DLC1: variants seen among roughly 807,000 people sequenced by gnomAD.
DLC1 encodes rho GTPase-activating protein 7.
DLC1 carries 54 observed loss-of-function variants against 140.3 expected under a neutral mutation model. The observed-to-expected ratio is 0.38, with a 90% confidence interval of 0.31 to 0.48. DLC1 has a LOEUF of 0.48. Among genes scored for constraint, DLC1 ranks in the 20% least tolerant of loss-of-function variants. The probability of loss-of-function intolerance (pLI) is 0.96; values close to 1 mark genes in which losing one functional copy is unlikely to be tolerated. For synonymous variants in DLC1, 986 were observed against 728.1 expected (o/e 1.35, Z -5.70); for missense variants, 2,536 against 1,907.0 (o/e 1.33, Z -6.14).
intron 4 of DLC1, among the ~76,000 whole-genome samples, chr8:13,388,682 A>C (rs1836625828): frequency 6.6e-6 from 1 of 152,012 alleles, no homozygotes; most frequent in Non-Finnish European, 1.5e-5. Context: ...TCTGATGTGA[A>C]TATATGTACA....
chr8:13,516,843 G>A (rs1802604782), upstream of DLC1, among the ~76,000 whole-genome samples: 1 of 152,070 alleles, frequency 6.6e-6, no homozygotes, highest in Non-Finnish European at 1.5e-5. Context: ...TACAAATAAA[G>A]TATTGAGAAG....
chr8:13,501,292 T>C (rs1419621920), intron 1 of DLC1, among the ~76,000 whole-genome samples: 1 of 152,138 alleles, frequency 6.6e-6, no homozygotes, highest in African/African-American at 2.4e-5. Flanking sequence ...TACCCAAATT[T>C]TTGCCTTGAA....
At chr8:13,404,647 C>G (rs1403176318) in intron 2 of DLC1, among the ~76,000 whole-genome samples, 2 of 151,938 alleles carry the variant, frequency 1.3e-5, no homozygotes, top group African/African-American at 4.8e-5. Context: ...ACCTGAGCAA[C>G]AAGGAATTTA....
At chr8:13,206,462 G>A (rs1289952406) in intron 5 of DLC1, among the ~76,000 whole-genome samples, 2 of 151,954 alleles carry the variant, frequency 1.3e-5, no homozygotes, top group Admixed American at 6.6e-5. Context: ...GAATATGAAC[G>A]ATTACCTTCC....
chr8:13,146,255 A>G (rs1223521201), intron 5 of DLC1, among the ~76,000 whole-genome samples: 1 of 146,068 alleles, frequency 6.8e-6, no homozygotes, highest in African/African-American at 2.5e-5. Flanking sequence ...AGCCTGGGCA[A>G]CAGAGCAAGA....
chr8:13,552,547 A>T (rs1421669348), intron 1 of DLC1, among the ~76,000 whole-genome samples: 3 of 151,394 alleles, frequency 2.0e-5, no homozygotes, highest in African/African-American at 7.2e-5. Context: ...ATGAGTGAAT[A>T]TATATTTTTC....
intron 4 of DLC1, among the ~76,000 whole-genome samples, chr8:13,331,951 G>T (rs925307906): frequency 1.3e-5 from 2 of 152,086 alleles, no homozygotes; most frequent in African/African-American, 4.8e-5. Context: ...ATGTGACCAG[G>T]GGACAATGTA....
chr8:13,097,102 A>G (rs914572810), intron 10 of DLC1, among the ~76,000 whole-genome samples: 47 of 152,286 alleles, frequency 3.1e-4, no homozygotes, highest in African/African-American at 9.9e-4. Flanking sequence ...AATTTGTACA[A>G]TGCATTTCAT....
chr8:13,132,395 G>A (rs906095417), intron 5 of DLC1, among the ~76,000 whole-genome samples: 3 of 151,828 alleles, frequency 2.0e-5, no homozygotes, highest in African/African-American at 7.3e-5. Context: ...GGTTGAAAAG[G>A]AAAACAAGTT....
chr8:13,547,773 T>G (rs1442628346), intron 1 of DLC1, among the ~76,000 whole-genome samples: 1 of 152,102 alleles, frequency 6.6e-6, no homozygotes, highest in Non-Finnish European at 1.5e-5. Context: ...CTGCCTACTC[T>G]TTCTAATCTC....
chr8:13,545,359 A>T (rs2117341273), intron 1 of DLC1, among the ~76,000 whole-genome samples: 1 of 151,540 alleles, frequency 6.6e-6, no homozygotes, highest in East Asian at 1.9e-4. Context: ...AGTAAAGAAG[A>T]GAACTTGGAA....
chr8:13,182,588 C>T (rs577443449), intron 5 of DLC1, among the ~76,000 whole-genome samples: 583 of 152,244 alleles, frequency 3.8e-3, no homozygotes, highest in African/African-American at 0.014. Context: ...ATCTTTTCCC[C>T]ATTTCTTGTT....
intron 4 of DLC1, among the ~76,000 whole-genome samples, chr8:13,384,599 A>G (rs954848570): frequency 3.7e-4 from 49 of 134,032 alleles, no homozygotes; most frequent in African/African-American, 1.3e-3. Flanking sequence ...ACATCCACAG[A>G]AGAAAAAATG....
intron 2 of DLC1, 59 bp downstream of exon 2, chr8:13,498,990 A>G (rs1801642761): frequency 6.6e-7 from 1 of 1,509,238 alleles, no homozygotes; most frequent in South Asian, 1.4e-5. Flanking sequence ...ATGATAACTG[A>G]TAAATCCAAG....
chr8:13,556,401 A>C (rs1804047023), intron 1 of DLC1, among the ~76,000 whole-genome samples: 1 of 152,088 alleles, frequency 6.6e-6, no homozygotes, highest in Non-Finnish European at 1.5e-5. Context: ...AAAAATTCTG[A>C]TTTAAAACTT....
chr8:13,124,923 C>T lies in DLC1; in HGVS notation c.1349-9266G>A, dbSNP rs759040591. On this transcript the variant is annotated intron_variant, in intron 5 of 17. Transcript: ENST00000276297. ...AGAGATCCCCAGTTTTGTAAATTTACGAAAGTTTTAATTACTTTTATTTTA... is the reference window on the plus strand; with the variant it reads ...AGAGATCCCCAGTTTTGTAAATTTATGAAAGTTTTAATTACTTTTATTTTA... 6.6e-5 allele frequency among the ~76,000 whole-genome samples: 10 copies of T among 152,094 alleles called. No homozygotes were observed. The South Asian group carries it at 1.0e-3, about 16-fold the overall frequency.
At chr8:13,191,334 C>G (rs1046293854) in intron 5 of DLC1, among the ~76,000 whole-genome samples, 1 of 152,156 alleles carries the variant, frequency 6.6e-6, no homozygotes, top group Non-Finnish European at 1.5e-5. Context: ...TGGTGAAACT[C>G]CGTCTCTACT....
chr8:13,347,351 G>A (rs999323555), intron 4 of DLC1, among the ~76,000 whole-genome samples: 1 of 152,118 alleles, frequency 6.6e-6, no homozygotes, highest in Non-Finnish European at 1.5e-5. Context: ...ATTTCTGAGG[G>A]CCACCTGACA....
chr8:13,384,089 G>A (rs79787801), intron 4 of DLC1, among the ~76,000 whole-genome samples: 6,972 of 152,220 alleles, frequency 0.046, 213 homozygotes, highest in Non-Finnish European at 0.074. Flanking sequence ...ATGAGGTTGC[G>A]TTATTGTTAC....
Sources: gnomAD v4.1 joint callset for allele counts (sites outside exome capture counted in the v4.1 genomes callset) on GRCh38, gnomAD v4.1.1 for gene constraint, MANE v1.5 for transcripts, NCBI Gene and HGNC (gene_info 2026-07-23, HGNC 2026-07-21) for gene names.